The following PDSS2 variants were observed in gnomAD, a reference collection of about 807,000 sequenced individuals.
The protein encoded by PDSS2 is all trans-polyprenyl-diphosphate synthase PDSS2.
PDSS2 carries 31 observed loss-of-function variants against 44.5 expected under a neutral mutation model. The ratio of observed to expected loss-of-function variants is 0.70; its 90% CI spans 0.52 to 0.94. PDSS2 has a LOEUF of 0.94. Ranked by LOEUF, PDSS2 falls within the 40% of genes least tolerant of loss-of-function variation. The pLI is 0.00. For synonymous variants in PDSS2, 157 were observed against 180.3 expected, an observed-to-expected ratio of 0.87 and a Z score of 1.03; for missense variants, 452 against 482.2, an observed-to-expected ratio of 0.94 and a Z score of 0.59.
intron 1 of PDSS2, among the ~76,000 whole-genome samples, chr6:107,359,844 GA>G (rs1304685078): frequency 6.6e-6 from 1 of 152,068 alleles, no homozygotes; most frequent in East Asian, 1.9e-4. Flanking sequence ...GAGAGATGGG[GA>G]TCTTTCATAT....
At chr6:107,265,262 A>G (rs1193850536) in intron 3 of PDSS2, among the ~76,000 whole-genome samples, 2 of 152,194 alleles carry the variant, frequency 1.3e-5, no homozygotes, top group African/African-American at 2.4e-5. Flanking sequence ...ACAGCTCTGA[A>G]TTTCATTTGA....
At chr6:107,385,539 T>C (rs576137017) in intron 1 of PDSS2, among the ~76,000 whole-genome samples, 5 of 152,276 alleles carry the variant, frequency 3.3e-5, no homozygotes, top group South Asian at 2.1e-4. Flanking sequence ...CAGAAAACAT[T>C]TGGATATGTT....
At chr6:107,221,049 A>G (rs971777216) in intron 4 of PDSS2, among the ~76,000 whole-genome samples, 1 of 152,250 alleles carries the variant, frequency 6.6e-6, no homozygotes, top group African/African-American at 2.4e-5. Context: ...AGATTTAGAT[A>G]TACCTATATC....
intron 1 of PDSS2, among the ~76,000 whole-genome samples, chr6:107,414,895 T>C (rs926706368): frequency 6.6e-6 from 1 of 152,112 alleles, no homozygotes; most frequent in Non-Finnish European, 1.5e-5. Context: ...AAGGAGAATG[T>C]CCCATTGGAA....
intron 4 of PDSS2, among the ~76,000 whole-genome samples, chr6:107,238,471 C>CCT (rs1774304941): frequency 7.2e-5 from 11 of 152,124 alleles, no homozygotes; most frequent in Non-Finnish European, 1.5e-4. Flanking sequence ...TGGAAGAAAC[C>CCT]AGGTGTAAAC....
rs1219681356 is a variant in PDSS2, at chr6:107,280,349, A to T, written c.432-6122T>A. On this transcript the variant is annotated intron_variant, in intron 2 of 7. Coordinates refer to ENST00000369037, the MANE Select transcript of PDSS2 (RefSeq NM_020381.4). Reference sequence around the variant, plus strand: ...AGTGCTGGGATTACAGGCCTAAGCCACTATGCTGGGCCCTCATGCTAACTC... The same window carrying T: ...AGTGCTGGGATTACAGGCCTAAGCCTCTATGCTGGGCCCTCATGCTAACTC... Among the ~76,000 whole-genome samples, 4 of 152,252 alleles carry T rather than the reference A, an allele frequency of 2.6e-5. No individual in the cohort carries two copies. In the East Asian group the frequency reaches 7.7e-4, roughly 29 times the overall value.
chr6:107,367,802 C>CAA (rs58861327), intron 1 of PDSS2, among the ~76,000 whole-genome samples: 14,051 of 101,160 alleles, frequency 0.14, 1,754 homozygotes, highest in African/African-American at 0.31. Flanking sequence ...AACTCTGTCT[C>CAA]AAAAAAAAAA....
intron 1 of PDSS2, among the ~76,000 whole-genome samples, chr6:107,356,546 A>G (rs1778602868): frequency 6.6e-6 from 1 of 152,232 alleles, no homozygotes; most frequent in Non-Finnish European, 1.5e-5. Context: ...AAGAATAAAA[A>G]TGAATGTCAT....
rs572695506 is a variant in PDSS2, at chr6:107,263,495, T to C, written c.630+10534A>G. 7.2e-5 allele frequency among the ~76,000 whole-genome samples: 11 copies of C among 151,842 alleles called. No individual in the cohort carries two copies. In the South Asian group the frequency reaches 2.3e-3, roughly 32 times the overall value. On this transcript the variant is annotated intron_variant, in intron 3 of 7. Transcript: ENST00000369037. ...GAATGCCAGGCATATGGAAGAAACA[T>C]GTAAGCTGCTCTTGCTCTTTTTCCT...
At chr6:107,342,844 A>G (rs575810784) in intron 1 of PDSS2, among the ~76,000 whole-genome samples, 2 of 152,346 alleles carry the variant, frequency 1.3e-5, no homozygotes, top group South Asian at 2.1e-4. Flanking sequence ...CACCACCACC[A>G]AGGGACCATC....
chr6:107,416,270 CCA>C (rs1325042657), intron 1 of PDSS2, among the ~76,000 whole-genome samples: 1 of 151,898 alleles, frequency 6.6e-6, no homozygotes, highest in Non-Finnish European at 1.5e-5. Flanking sequence ...CGATGGGGAC[CCA>C]TGAGCCAGAG....
intron 7 of PDSS2, among the ~76,000 whole-genome samples, chr6:107,190,312 C>T (rs1035488441): frequency 1.3e-5 from 2 of 152,152 alleles, no homozygotes; most frequent in Non-Finnish European, 2.9e-5. Context: ...AGAACCAATG[C>T]CCTATCCCCC....
intron 4 of PDSS2, among the ~76,000 whole-genome samples, chr6:107,240,160 C>G (rs1774370026): frequency 6.6e-6 from 1 of 152,072 alleles, no homozygotes; most frequent in African/African-American, 2.4e-5. Flanking sequence ...GTAATCCCAA[C>G]ACTTTGGGAG....
chr6:107,304,788 C>G (rs1026799109), intron 2 of PDSS2, among the ~76,000 whole-genome samples: 1 of 152,150 alleles, frequency 6.6e-6, no homozygotes, highest in African/African-American at 2.4e-5. Context: ...TGGTAAGTAT[C>G]GCTCAAAAGT....
intron 2 of PDSS2, among the ~76,000 whole-genome samples, chr6:107,281,907 T>C (rs1395735744): frequency 6.6e-6 from 1 of 152,168 alleles, no homozygotes; most frequent in Non-Finnish European, 1.5e-5. Flanking sequence ...TTTATTTATT[T>C]ATTTATTTAT....
chr6:107,248,141 T>C (rs1774688967), intron 3 of PDSS2, among the ~76,000 whole-genome samples: 1 of 151,890 alleles, frequency 6.6e-6, no homozygotes, highest in African/African-American at 2.4e-5. Flanking sequence ...ATAATCTGAC[T>C]TTTTTTTGCA....
chr6:107,316,161 C>A (rs1165443907), intron 2 of PDSS2, among the ~76,000 whole-genome samples: 1 of 152,148 alleles, frequency 6.6e-6, no homozygotes, highest in Admixed American at 6.5e-5. Flanking sequence ...GATTTAATAA[C>A]TTGTCATGAC....
chr6:107,354,426 C>T (rs1280021729), intron 1 of PDSS2, among the ~76,000 whole-genome samples: 1 of 152,198 alleles, frequency 6.6e-6, no homozygotes, highest in African/African-American at 2.4e-5. Context: ...GTTTAAAAAT[C>T]AGACTCCATT....
At chr6:107,308,902 T>C (rs539256559) in intron 2 of PDSS2, among the ~76,000 whole-genome samples, 1 of 152,196 alleles carries the variant, frequency 6.6e-6, no homozygotes, top group South Asian at 2.1e-4. Flanking sequence ...GAAACTGGAA[T>C]ATGGGTGGAG....
Sources: gnomAD v4.1 joint callset for allele counts (sites outside exome capture counted in the v4.1 genomes callset) on GRCh38, gnomAD v4.1.1 for gene constraint, MANE v1.5 for transcripts, NCBI Gene and HGNC (gene_info 2026-07-23, HGNC 2026-07-21) for gene names.